The following SLC4A4 variants were observed in gnomAD, a reference collection of about 807,000 sequenced individuals.
SLC4A4 encodes electrogenic sodium bicarbonate cotransporter 1.
Under a neutral mutation model 111.5 loss-of-function variants are expected in SLC4A4, and 27 were observed. The ratio of observed to expected loss-of-function variants is 0.24; its 90% CI spans 0.18 to 0.33. SLC4A4 has a LOEUF of 0.33. Among genes scored for constraint, SLC4A4 ranks in the 10% least tolerant of loss-of-function variants. The pLI, the probability that SLC4A4 is intolerant of heterozygous loss-of-function variation, is 1.00. For synonymous variants in SLC4A4, 443 were observed against 463.4 expected (o/e 0.96, Z 0.57); for missense variants, 909 against 1,315.5 (o/e 0.69, Z 4.78).
chr4:71,497,479 T>G (rs774263597), intron 15 of SLC4A4, 22 bp from the exon 16 acceptor site: 14 of 1,601,576 alleles, frequency 8.7e-6, no homozygotes, highest in Middle Eastern at 1.7e-4. Context: ...TCTAGAAAAA[T>G]TTTAATGTTT....
At chr4:71,469,856 T>A (rs1012173054) in intron 13 of SLC4A4, among the ~76,000 whole-genome samples, 1 of 151,994 alleles carries the variant, frequency 6.6e-6, no homozygotes, top group Non-Finnish European at 1.5e-5. Flanking sequence ...TAGCATATTG[T>A]TTAGATTCTA....
chr4:71,513,750 A>G (rs1300122254), intron 16 of SLC4A4, among the ~76,000 whole-genome samples: 1 of 152,164 alleles, frequency 6.6e-6, no homozygotes, highest in Non-Finnish European at 1.5e-5. Flanking sequence ...TCAGTATGAC[A>G]TTAGTGGTGG....
At chr4:71,143,523 C>A (rs1175438362) in intron 2 of SLC4A4, among the ~76,000 whole-genome samples, 2 of 152,202 alleles carry the variant, frequency 1.3e-5, no homozygotes, top group Admixed American at 6.5e-5. Context: ...GGAATCACCA[C>A]ACCGACTTCC....
Position 71,440,700 on chromosome 4 carries a change from C to G in SLC4A4, c.892C>G (p.Pro298Ala). ...TGGGGAGGTTGACTTTTTGGATACT[C>G]CTTTCATTGCCTTTGTTAGGCTACA... ...LVGEVDFLDT[P>A]FIAFVRLQQA... is the part of the protein sequence containing the mutation. The change falls in exon 8 of 26, where the codon CCT becomes GCT. Residue 298 changes from proline (P) to alanine (A), a missense_variant. This residue lies in a region of SLC4A4 where 312 missense variants were observed against 402.0 expected (regional missense o/e 0.78). Coordinates refer to ENST00000264485, the MANE Select transcript of SLC4A4 (RefSeq NM_001098484.3). 9.3e-6 allele frequency: 15 copies of G among 1,614,084 alleles called. No individual in the cohort carries two copies. Among genetic ancestry groups the G allele is most frequent in the Non-Finnish European group, 1.3e-5 (15 of 1,179,980 alleles).
Position 71,357,096 on chromosome 4 carries a change from G to A in SLC4A4, c.639G>A (p.Arg213=), listed in dbSNP as rs749553923. The A allele has an allele frequency of 3.1e-6, 5 of 1,614,058 alleles. No homozygotes were observed. The highest frequency in any genetic ancestry group is 2.7e-5 in the African/African-American group (2 of 75,014). ...CCTATACTTTGCTCCGGAAGCACCG[G>A]CATCAAACCAAGAAATCCAACCTTC... ...KVTYTLLRKH[R]HQTKKSNLRS... Residue 213 remains arginine, a synonymous_variant, in exon 6 of 26, where the codon CGG becomes CGA. Coordinates refer to ENST00000264485, the MANE Select transcript of SLC4A4 (RefSeq NM_001098484.3).
intron 2 of SLC4A4, among the ~76,000 whole-genome samples, chr4:71,164,794 A>C (rs534947649): frequency 1.3e-5 from 2 of 152,300 alleles, no homozygotes; most frequent in African/African-American, 4.8e-5. Flanking sequence ...AAGTTTTTGC[A>C]ATCTACTCAA....
At chr4:71,404,458 C>G (rs1308224111) in intron 7 of SLC4A4, among the ~76,000 whole-genome samples, 1 of 152,186 alleles carries the variant, frequency 6.6e-6, no homozygotes, top group Non-Finnish European at 1.5e-5. Flanking sequence ...GAAATTGTAG[C>G]TATTGCATAT....
In SLC4A4 at chr4:71,455,771, C is replaced by A. The variant is rs76474964; in HGVS notation, c.1497+2102C>A. 1.5e-3 allele frequency among the ~76,000 whole-genome samples: 235 copies of A among 152,142 alleles called. 2 individuals are homozygous for A. Among genetic ancestry groups the A allele is most frequent in the African/African-American group, 5.3e-3 (219 of 41,534 alleles). On this transcript the variant is annotated intron_variant, in intron 12 of 25. Transcript: ENST00000264485. ...GCCTTTTTTGAATTGAATTGTAATT[C>A]TTTGCAACCTCATAAGACTTGGCTT...
intron 9 of SLC4A4, 145 bp from the exon 10 acceptor site, chr4:71,450,244 A>G (rs1038868652): frequency 5.8e-5 from 39 of 673,410 alleles, no homozygotes; most frequent in Admixed American, 1.1e-4. Flanking sequence ...TTCGGGGGGC[A>G]GGCTGAATAA....
intron 2 of SLC4A4, among the ~76,000 whole-genome samples, chr4:71,097,520 A>T (rs183194525): frequency 1.4e-3 from 206 of 152,244 alleles, no homozygotes; most frequent in African/African-American, 4.6e-3. Flanking sequence ...AATAATTTAT[A>T]TTTCTCTGGG....
At chr4:71,328,664 A>T (rs1478991168) in intron 3 of SLC4A4, among the ~76,000 whole-genome samples, 1 of 151,812 alleles carries the variant, frequency 6.6e-6, no homozygotes, top group Non-Finnish European at 1.5e-5. Context: ...TTTAAACTAG[A>T]TTATTAGATT....
At chr4:71,291,676 C>G (rs1016242350) in intron 3 of SLC4A4, among the ~76,000 whole-genome samples, 21 of 152,296 alleles carry the variant, frequency 1.4e-4, no homozygotes, top group Admixed American at 9.8e-4. Context: ...CCCTCATAGG[C>G]ACCCCAAAAG....
intron 3 of SLC4A4, among the ~76,000 whole-genome samples, chr4:71,310,757 T>C (rs1278195685): frequency 6.6e-6 from 1 of 152,174 alleles, no homozygotes. Flanking sequence ...AGGGACACTA[T>C]GAAGAAACTG....
intron 14 of SLC4A4, among the ~76,000 whole-genome samples, chr4:71,486,263 T>A (rs1047079693): frequency 6.6e-6 from 1 of 151,442 alleles, no homozygotes; most frequent in Non-Finnish European, 1.5e-5. Context: ...TTAAATACTG[T>A]TTTTTAATTT....
chr4:71,375,457 C>A (rs541935764), intron 6 of SLC4A4, among the ~76,000 whole-genome samples: 3 of 152,194 alleles, frequency 2.0e-5, no homozygotes, highest in African/African-American at 7.2e-5. Flanking sequence ...TTGGAATATT[C>A]TTCTTCCTCC....
chr4:71,112,365 C>G (rs1345894913), intron 2 of SLC4A4, among the ~76,000 whole-genome samples: 1 of 152,156 alleles, frequency 6.6e-6, no homozygotes, highest in Non-Finnish European at 1.5e-5. Flanking sequence ...CTCATATTAT[C>G]TGAGTGTGAA....
chr4:71,076,444 A>C (rs1431328326), intron 1 of SLC4A4, among the ~76,000 whole-genome samples: 1 of 152,014 alleles, frequency 6.6e-6, no homozygotes, highest in Non-Finnish European at 1.5e-5. Flanking sequence ...AGGCAGGAGA[A>C]TCACTTAAAC....
At chr4:71,533,269 A>G (rs972226346) in intron 17 of SLC4A4, among the ~76,000 whole-genome samples, 2 of 152,162 alleles carry the variant, frequency 1.3e-5, no homozygotes, top group Middle Eastern at 3.2e-3. Context: ...ATATTGAGTC[A>G]GGCTCTAAGC....
intron 2 of SLC4A4, among the ~76,000 whole-genome samples, chr4:71,108,554 G>A (rs985501486): frequency 6.6e-5 from 10 of 152,148 alleles, no homozygotes; most frequent in Non-Finnish European, 1.0e-4. Context: ...CTGCTCTCTC[G>A]TTGCTTTCAA....
Sources: gnomAD v4.1 joint callset for allele counts (sites outside exome capture counted in the v4.1 genomes callset) on GRCh38, gnomAD v4.1.1 for gene constraint, gnomAD v4.1.1 regional missense constraint, MANE v1.5 for transcripts, NCBI Gene and HGNC (gene_info 2026-07-23, HGNC 2026-07-21) for gene names.